Variants in RBM46 observed in about 807,000 individuals in gnomAD.
The protein encoded by RBM46 is RNA binding motif protein 46, also known as probable RNA-binding protein 46.
Under a neutral mutation model 43.3 loss-of-function variants are expected in RBM46, and 12 were observed. That is an observed-to-expected ratio of 0.28 (90% CI 0.18 to 0.45). The LOEUF (loss-of-function observed/expected upper bound fraction) is 0.45. RBM46 is among the 20% of genes least tolerant of loss of function. The pLI is 1.00. For missense variants in RBM46, 412 were observed against 639.1 expected, an observed-to-expected ratio of 0.64 and a Z score of 3.83; for synonymous variants, 205 against 207.6, an observed-to-expected ratio of 0.99 and a Z score of 0.11.
intron 4 of RBM46, among the ~76,000 whole-genome samples, chr4:154,812,284 G>T (rs1253527227): frequency 6.6e-6 from 1 of 152,024 alleles, no homozygotes; most frequent in Non-Finnish European, 1.5e-5. Flanking sequence ...GACTATTTTG[G>T]CTTTAGGAAA....
At chr4:154,785,424 T>C (rs900969192) in intron 1 of RBM46, among the ~76,000 whole-genome samples, 11 of 151,018 alleles carry the variant, frequency 7.3e-5, no homozygotes, top group African/African-American at 2.7e-4. Context: ...AAAAAAAAAG[T>C]CTTGTTTATT....
intron 4 of RBM46, among the ~76,000 whole-genome samples, chr4:154,800,667 T>A (rs978729691): frequency 2.0e-5 from 3 of 151,266 alleles, no homozygotes; most frequent in South Asian, 4.2e-4. Context: ...ATTTTAGTGA[T>A]GATTACTTTG....
chr4:154,788,919 C>T (rs1386665477), intron 1 of RBM46, among the ~76,000 whole-genome samples: 1 of 152,058 alleles, frequency 6.6e-6, no homozygotes, highest in Non-Finnish European at 1.5e-5. Flanking sequence ...AGTTGGCTTC[C>T]TAGGTATTTT....
chr4:154,803,096 A>G (rs912104704), intron 4 of RBM46, among the ~76,000 whole-genome samples: 10 of 152,234 alleles, frequency 6.6e-5, no homozygotes, highest in Non-Finnish European at 1.2e-4. Flanking sequence ...CTACATGAGT[A>G]CTAGAAGTCA....
In RBM46 at chr4:154,785,105, A is replaced by G. The variant is rs375334986; in HGVS notation, c.-12+3669A>G. On this transcript the variant is annotated intron_variant, in intron 1 of 4. Coordinates refer to ENST00000281722, the MANE Select transcript of RBM46 (RefSeq NM_144979.5). ...GAGATAAGGGTTTTTTTTTCTAAAG[A>G]GAATATAGGATTGGTGACTCTTCAG... 3.9e-5 allele frequency among the ~76,000 whole-genome samples: 6 copies of G among 152,044 alleles called. No homozygotes were observed. The East Asian group carries it at 1.2e-3, about 29-fold the overall frequency.
chr4:154,816,495 A>G (rs1311811860), intron 4 of RBM46, among the ~76,000 whole-genome samples: 1 of 152,118 alleles, frequency 6.6e-6, no homozygotes, highest in Non-Finnish European at 1.5e-5. Flanking sequence ...TCATCATAAA[A>G]AATAACTTAT....
chr4:154,802,825 T>C (rs1294017416), intron 4 of RBM46, among the ~76,000 whole-genome samples: 1 of 152,148 alleles, frequency 6.6e-6, no homozygotes, highest in East Asian at 1.9e-4. Flanking sequence ...ATTTTAACCC[T>C]TTCAGTGTGA....
Position 154,796,356 on chromosome 4 carries a change from A to G in RBM46, c.-11-386A>G, listed in dbSNP as rs74557825. ...AAATCCAGTTGGCTTAGATGATAAA[A>G]TGATTTAAATTTTGGGCTATGTAGA... On this transcript the variant is annotated intron_variant, in intron 1 of 4. Coordinates refer to ENST00000281722, the MANE Select transcript of RBM46 (RefSeq NM_144979.5). 5.4e-4 allele frequency among the ~76,000 whole-genome samples: 82 copies of G among 152,286 alleles called. 1 individual carries two copies. The East Asian group carries it at 0.015, about 27-fold the overall frequency.
In RBM46 at chr4:154,798,388, A is replaced by G. The variant is rs1001931764; in HGVS notation, c.619+110A>G. On this transcript the variant is annotated intron_variant, in intron 3 of 4. Transcript: ENST00000281722. ...TACTAATGTCACTTAAAGAAGAGTA[A>G]AGAATTGTTTGAGTAATGAAGTAAA... is the stretch of plus-strand genomic sequence containing the variant. 5.6e-6 allele frequency: 4 copies of G among 709,672 alleles called. No individual in the cohort carries two copies. In the African/African-American group the frequency reaches 7.2e-5, roughly 13 times the overall value. The allele number at this position is 709,672 out of a possible 1,614,324, so 44.0% of individuals were successfully genotyped here.
chr4:154,827,703 G>T, intron 4 of RBM46, 165 bp from the exon 5 acceptor site: 6 of 1,443,120 alleles, frequency 4.2e-6, no homozygotes, highest in Non-Finnish European at 5.4e-6. Flanking sequence ...GATTTGCAGT[G>T]CAGTGAATGC....
chr4:154,819,416 C>G (rs1735620865), intron 4 of RBM46, among the ~76,000 whole-genome samples: 1 of 152,120 alleles, frequency 6.6e-6, no homozygotes, highest in Non-Finnish European at 1.5e-5. Context: ...GGGAATTGGC[C>G]AAGCCTTCCA....
chr4:154,784,869 T>C lies in RBM46; in HGVS notation c.-12+3433T>C. On this transcript the variant is annotated intron_variant, in intron 1 of 4. Transcript: ENST00000281722. ...GCTTTAATGTATAGGACAGATGTGC[T>C]TTCTTGGATATTTAGGTAACAGGTT... 1.3e-5 allele frequency among the ~76,000 whole-genome samples: 2 copies of C among 152,206 alleles called. 1 individual carries two copies. Among genetic ancestry groups the C allele is most frequent in the Non-Finnish European group, 2.9e-5 (2 of 68,024 alleles).
At chr4:154,827,443 T>G (rs910403274) in intron 4 of RBM46, 1 of 996,130 alleles carries the variant, frequency 1.0e-6, no homozygotes, top group Admixed American at 5.8e-5. Context: ...TTTCTGCTGG[T>G]TTGATGCCTA....
intron 1 of RBM46, among the ~76,000 whole-genome samples, chr4:154,784,088 T>G (rs1013290189): frequency 6.6e-6 from 1 of 152,238 alleles, no homozygotes; most frequent in African/African-American, 2.4e-5. Flanking sequence ...AGGAGTTTAG[T>G]ACCATGTAAT....
At chr4:154,785,634 TA>T (rs1309243502) in intron 1 of RBM46, among the ~76,000 whole-genome samples, 1 of 152,104 alleles carries the variant, frequency 6.6e-6, no homozygotes, top group South Asian at 2.1e-4. Flanking sequence ...GTAGCATGTT[TA>T]AAAAAATACA....
chr4:154,804,952 G>A (rs1734839865), intron 4 of RBM46, among the ~76,000 whole-genome samples: 1 of 151,690 alleles, frequency 6.6e-6, no homozygotes, highest in Non-Finnish European at 1.5e-5. Flanking sequence ...TAGTGATGAA[G>A]GCAGATACAC....
intron 4 of RBM46, among the ~76,000 whole-genome samples, chr4:154,816,305 T>A (rs578057049): frequency 1.3e-5 from 2 of 152,214 alleles, no homozygotes; most frequent in South Asian, 4.1e-4. Flanking sequence ...TGGAACGGAA[T>A]TGAATCTGTA....
chr4:154,817,331 CTT>C (rs58860836), intron 4 of RBM46, among the ~76,000 whole-genome samples: 53,650 of 125,698 alleles, frequency 0.43, 10,402 homozygotes, highest in Admixed American at 0.54. Context: ...TTTTCTCTTT[CTT>C]TTTTTTTTTT....
intron 1 of RBM46, among the ~76,000 whole-genome samples, chr4:154,785,597 C>A (rs1733721743): frequency 6.6e-6 from 1 of 152,026 alleles, no homozygotes; most frequent in Admixed American, 6.6e-5. Context: ...TAACTAGATT[C>A]TTGTTTTTTC....
Sources: allele counts gnomAD v4.1 joint callset (sites outside exome capture counted in the v4.1 genomes callset), GRCh38; gene constraint gnomAD v4.1.1; transcripts MANE v1.5; gene names NCBI Gene and HGNC (gene_info 2026-07-23, HGNC 2026-07-21).